The following PIGO variants were observed in gnomAD, a reference collection of about 807,000 sequenced individuals.
PIGO encodes phosphatidylinositol glycan anchor biosynthesis class O.
In PIGO, 66 loss-of-function variants were observed where a neutral mutation model predicts 86.9. The observed-to-expected ratio is 0.76, with a 90% CI of 0.62 to 0.93. PIGO has a LOEUF of 0.93. Ranked by LOEUF, PIGO falls within the 40% of genes least tolerant of loss-of-function variation. The pLI is 0.00. For synonymous variants in PIGO, 570 were observed against 556.4 expected (o/e 1.02, Z -0.34); for missense variants, 1,202 against 1,359.1 (o/e 0.88, Z 1.82).
At chr9:35,093,683 C>T (rs1326751278) in intron 4 of PIGO, 103 bp from the exon 5 acceptor site, 1 of 1,438,200 alleles carries the variant, frequency 7.0e-7, no homozygotes, top group Non-Finnish European at 9.2e-7. Context: ...GCTATAACTC[C>T]ATTAGTAAGG....
At chr9:35,090,942 T>C (rs1169729246) in intron 7 of PIGO, 1 of 567,154 alleles carries the variant, frequency 1.8e-6, no homozygotes, top group East Asian at 3.0e-5. Flanking sequence ...ATTCACAATT[T>C]ACTACTTCCA....
rs1041812852 is a variant in PIGO at position 35,093,282 on chromosome 9, G to A, written c.940-73C>T. The A allele has an allele frequency of 1.1e-5, 18 of 1,574,110 alleles. No homozygotes were observed. The African/African-American group carries it at 1.8e-4, about 15-fold the overall frequency. On this transcript the variant is annotated intron_variant, in intron 5 of 10. Transcript: ENST00000378617. ...CAATGTTTGGGATGGCAGACATAGGGGCCTAGGTAAGAAATGAGAGTGGAG... is the reference window on the plus strand; with the variant it reads ...CAATGTTTGGGATGGCAGACATAGGAGCCTAGGTAAGAAATGAGAGTGGAG...
Position 35,091,874 on chromosome 9 carries a change from T to G in PIGO, c.2013A>C (p.Gly671=). The G allele has an allele frequency of 6.2e-7, 1 of 1,613,920 alleles. No homozygotes were observed. The highest frequency in any genetic ancestry group is 1.1e-5 in the South Asian group (1 of 91,070). The change falls in exon 7 of 11, where the codon GGA becomes GGC. Residue 671 remains glycine (G), a synonymous_variant. Coordinates refer to ENST00000378617, the MANE Select transcript of PIGO (RefSeq NM_032634.4). The stretch of plus-strand genomic sequence containing the variant: ...GGGCCACCAGCGCCGCCACACAAGC[T>G]CCATACCACAAATTCTTGGCTCGAC... The part of the protein sequence containing the change: ...VGGRAKNLWY[G]ACVAALVALL...
In PIGO at chr9:35,091,862, C is replaced by A. The variant is rs368209276; in HGVS notation, c.2025G>T (p.Ala675=). The A allele has an allele frequency of 5.6e-6, 9 of 1,614,156 alleles. No homozygotes were observed. The highest frequency in any genetic ancestry group is 7.6e-6 in the Non-Finnish European group (9 of 1,180,044). Residue 675 remains alanine, a synonymous_variant, in exon 7 of 11, where the codon GCG becomes GCT. Transcript: ENST00000378617. ...CGGCAGCTAACAGGGCCACCAGCGCCGCCACACAAGCTCCATACCACAAAT... is the reference window on the plus strand; with the variant it reads ...CGGCAGCTAACAGGGCCACCAGCGCAGCCACACAAGCTCCATACCACAAAT... ...AKNLWYGACV[A]ALVALLAAVR...
intron 5 of PIGO, 104 bp from the exon 6 acceptor site, chr9:35,093,313 C>A: frequency 1.3e-6 from 2 of 1,574,952 alleles, no homozygotes; most frequent in African/African-American, 1.3e-5. Flanking sequence ...TGGAGGATAC[C>A]CAGGATCATG....
chr9:35,089,689 C>A, intron 9 of PIGO: 1 of 1,418,520 alleles, frequency 7.0e-7, no homozygotes, highest in Non-Finnish European at 9.2e-7. Flanking sequence ...AACACTCAGG[C>A]TGTGCCCCCA....
Position 35,096,572 on chromosome 9 carries a change from C to G in PIGO, c.-419G>C, listed in dbSNP as rs1829683523. On this transcript the variant is annotated 5_prime_UTR_variant, in exon 1 of 11. Coordinates refer to ENST00000378617, the MANE Select transcript of PIGO (RefSeq NM_032634.4). Reference sequence around the variant, plus strand: ...AGACCCTGGCTCACCTGCAATGGCACCCGGAAGTGCGGCGGCGGCGGCGCC... The same window carrying G: ...AGACCCTGGCTCACCTGCAATGGCAGCCGGAAGTGCGGCGGCGGCGGCGCC... 6.5e-6 allele frequency: 1 copy of G among 152,918 alleles called. No individual in the cohort carries two copies. Among genetic ancestry groups the G allele is most frequent in the Non-Finnish European group, 1.5e-5 (1 of 68,616 alleles). The allele number at this position is 152,918 out of a possible 1,614,324, so 9.5% of individuals were successfully genotyped here. A position where few individuals can be genotyped will look rare whatever the true frequency, so the allele number is the denominator to read the frequency against.
rs1563996560 is a variant in PIGO at position 35,091,775 on chromosome 9, C to A, written c.2112G>T (p.Val704=). 6.2e-7 allele frequency: 1 copy of A among 1,612,486 alleles called. No individual in the cohort carries two copies. ...ATGCCATTAGGGGCAGTCCCCAGCGCACAAAGAGCATGGGTGGCTCGGGGC... is the reference window on the plus strand; with the variant it reads ...ATGCCATTAGGGGCAGTCCCCAGCGAACAAAGAGCATGGGTGGCTCGGGGC... The part of the protein sequence containing the change: ...LKSPEPPMLF[V]RWGLPLMALG... Residue 704 remains valine (V), a synonymous_variant, in exon 7 of 11, where the codon GTG becomes GTT. Coordinates refer to ENST00000378617, the MANE Select transcript of PIGO (RefSeq NM_032634.4).
At chr9:35,091,006 T>A (rs1307514339) in intron 7 of PIGO, 2 of 585,118 alleles carry the variant, frequency 3.4e-6, no homozygotes, top group African/African-American at 3.7e-5. Context: ...CCACAGGGAG[T>A]CTTAGAGGAC....
chr9:35,091,238 A>C lies in PIGO; in HGVS notation c.2647+2T>G. 6.3e-7 allele frequency: 1 copy of C among 1,582,430 alleles called. No individual in the cohort carries two copies. The highest frequency in any genetic ancestry group is 8.6e-7 in the Non-Finnish European group (1 of 1,163,956). ...TAAGTGAATCAGAGCTGAGATATTT[A>C]CCAGGGGTGGTGACGGGTATCCCAG... On this transcript the variant is annotated splice_donor_variant, in intron 7 of 10. Transcript: ENST00000378617. LOFTEE classifies it high-confidence loss of function.
chr9:35,093,815 T>G (rs1829546293), intron 4 of PIGO, 86 bp downstream of exon 4: 2 of 1,559,416 alleles, frequency 1.3e-6, no homozygotes, highest in South Asian at 2.5e-5. Context: ...AAGACAGAAT[T>G]CAGCCAGGAA....
Position 35,093,137 on chromosome 9 carries a change from C to T in PIGO, c.1012G>A (p.Gly338Arg). The T allele has an allele frequency of 6.2e-7, 1 of 1,614,202 alleles. No individual in the cohort carries two copies. Among genetic ancestry groups the T allele is most frequent in the Non-Finnish European group, 8.5e-7 (1 of 1,180,022 alleles). ...TCAGCCATCACTTCCCCGATATTCC[C>T]AAATGGGATGGGCAGGCCCAGCAGC... ...ALLLGLPIPF[G>R]NIGEVMAELF... Residue 338 changes from glycine (G) to arginine (R), a missense_variant, in exon 6 of 11, where the codon GGG becomes AGG. Coordinates refer to ENST00000378617, the MANE Select transcript of PIGO (RefSeq NM_032634.4).
rs754489357 is a variant in PIGO at position 35,090,598 on chromosome 9, G to A, written c.2722C>T (p.His908Tyr). The stretch of plus-strand genomic sequence containing the variant: ...TGGATGGCTGGAAAGACAGGCTGGT[G>A]GCCTGTGGAGTAGAAGGTCTGTGTG... ...MATQTFYSTG[H>Y]QPVFPAIHWH... Residue 908 changes from histidine to tyrosine, a missense_variant, in exon 8 of 11, where the codon CAC becomes TAC. Transcript: ENST00000378617. The A allele has an allele frequency of 6.2e-6, 10 of 1,614,162 alleles. No homozygotes were observed. Among genetic ancestry groups the A allele is most frequent in the Non-Finnish European group, 8.5e-6 (10 of 1,180,034 alleles).
intron 10 of PIGO, 37 bp from the exon 11 acceptor site, chr9:35,089,258 A>G: frequency 6.2e-7 from 1 of 1,614,068 alleles, no homozygotes; most frequent in Non-Finnish European, 8.5e-7. Context: ...GCAACAGAGT[A>G]GGTCTACTGC....
At chr9:35,094,474 C>T (rs768399323) in intron 2 of PIGO, 115 bp from the exon 3 acceptor site, 115 of 1,190,244 alleles carry the variant, frequency 9.7e-5, no homozygotes, top group Non-Finnish European at 1.3e-4. Flanking sequence ...ACCTAAAGTA[C>T]AGCAATTCCA....
chr9:35,090,968 GA>G (rs1829390131), intron 7 of PIGO: 1 of 566,946 alleles, frequency 1.8e-6, no homozygotes, highest in Admixed American at 3.5e-5. Flanking sequence ...GGAAAATCAA[GA>G]AATGTGCTCA....
Position 35,095,629 on chromosome 9 carries a change from C to T in PIGO, c.-1-63G>A, listed in dbSNP as rs1829638364. 4.2e-6 allele frequency: 6 copies of T among 1,433,390 alleles called. No individual in the cohort carries two copies. The South Asian group carries it at 8.8e-5, about 21-fold the overall frequency. 88.8% of individuals were successfully genotyped at this position (1,433,390 alleles called of 1,614,324 possible). A position where few individuals can be genotyped will look rare whatever the true frequency, so the allele number is the denominator to read the frequency against. On this transcript the variant is annotated intron_variant, in intron 1 of 10. Coordinates refer to ENST00000378617, the MANE Select transcript of PIGO (RefSeq NM_032634.4). ...CAAAGAACCAGTGGATATTCTGGTC[C>T]CTGAATACAAGCCCAGCTAGAATCA...
At chr9:35,089,359 T>C in intron 10 of PIGO, 21 bp downstream of exon 10, 1 of 1,614,204 alleles carries the variant, frequency 6.2e-7, no homozygotes, top group South Asian at 1.1e-5. Flanking sequence ...CCACCTCTAC[T>C]TCTCAAGCAA....
rs1170315748 is a variant in PIGO, at chr9:35,091,924, T to C, written c.1963A>G (p.Ser655Gly). The change falls in exon 7 of 11, where the codon AGT becomes GGT. Residue 655 changes from serine to glycine, a missense_variant. Physicochemically the swap from Ser to Gly is moderately conservative, Grantham distance 56. Transcript: ENST00000378617. ...TPVCHSSPWL[S>G]PLASMVGGRA... ...CCACCCACCATGGATGCCAGAGGAC[T>C]CAGCCAGGGAGAGGAGTGGCAAACA... 6.2e-7 allele frequency: 1 copy of C among 1,614,178 alleles called. No individual in the cohort carries two copies. Among genetic ancestry groups the C allele is most frequent in the South Asian group, 1.1e-5 (1 of 91,090 alleles).
Sources: gnomAD v4.1 joint callset for allele counts on GRCh38, gnomAD v4.1.1 for gene constraint, MANE v1.5 for transcripts, NCBI Gene and HGNC (gene_info 2026-07-23, HGNC 2026-07-21) for gene names.